Variants in SPAG16 observed in about 807,000 individuals in gnomAD.
The protein encoded by SPAG16 is sperm-associated antigen 16 protein.
A neutral mutation model predicts 80.4 loss-of-function variants in SPAG16; 86 were observed. The ratio of observed to expected loss-of-function variants is 1.07; its 90% CI spans 0.90 to 1.28. The LOEUF (loss-of-function observed/expected upper bound fraction) is 1.28, where lower values mean the gene tolerates loss of function less well. Among genes scored for constraint, SPAG16 ranks in the 50% most tolerant of loss-of-function variants. SPAG16 has a pLI of 0.00. For synonymous variants in SPAG16, 294 were observed against 265.9 expected (o/e 1.11, Z -1.03); for missense variants, 870 against 765.3 (o/e 1.14, Z -1.61).
At chr2:213,587,544 G>A (rs2060515076) in intron 10 of SPAG16, among the ~76,000 whole-genome samples, 2 of 152,094 alleles carry the variant, frequency 1.3e-5, no homozygotes, top group East Asian at 1.9e-4. Flanking sequence ...TGCCTTAGGG[G>A]CCATTCTTTC....
At chr2:213,576,965 G>T (rs542580376) in intron 10 of SPAG16, among the ~76,000 whole-genome samples, 104 of 152,046 alleles carry the variant, frequency 6.8e-4, no homozygotes, top group African/African-American at 2.5e-3. Context: ...AGGTTACATA[G>T]GTAAACTTGT....
chr2:214,067,749 A>G (rs2050599785), intron 13 of SPAG16, among the ~76,000 whole-genome samples: 1 of 152,084 alleles, frequency 6.6e-6, no homozygotes. Context: ...ATTTTGTTGA[A>G]ATATTATTTT....
intron 10 of SPAG16, among the ~76,000 whole-genome samples, chr2:213,506,635 G>A (rs1366853664): frequency 6.6e-6 from 1 of 152,088 alleles, no homozygotes; most frequent in African/African-American, 2.4e-5. Flanking sequence ...CCATTTTGAA[G>A]ACTATTTATC....
chr2:214,110,111 A>T (rs1576234514), intron 14 of SPAG16, among the ~76,000 whole-genome samples: 2 of 152,250 alleles, frequency 1.3e-5, no homozygotes, highest in African/African-American at 2.4e-5. Flanking sequence ...AACAGATATG[A>T]GGTTTAGGTG....
At chr2:214,358,744 TG>T (rs1211552389) in intron 15 of SPAG16, among the ~76,000 whole-genome samples, 2 of 151,914 alleles carry the variant, frequency 1.3e-5, no homozygotes, top group African/African-American at 4.8e-5. Flanking sequence ...TAATGGGAGT[TG>T]GGGGTTGAGG....
At chr2:213,962,034 T>A (rs1657190666) in intron 12 of SPAG16, among the ~76,000 whole-genome samples, 2 of 152,126 alleles carry the variant, frequency 1.3e-5, no homozygotes, top group South Asian at 4.1e-4. Context: ...TGTAGGGTTT[T>A]TAAATTACTA....
chr2:213,324,175 A>G (rs1445393590), intron 5 of SPAG16, among the ~76,000 whole-genome samples: 1 of 152,142 alleles, frequency 6.6e-6, no homozygotes, highest in Non-Finnish European at 1.5e-5. Context: ...AATGAACCTC[A>G]TAGACCTATA....
At chr2:213,520,743 A>C (rs572262651) in intron 10 of SPAG16, among the ~76,000 whole-genome samples, 1 of 152,326 alleles carries the variant, frequency 6.6e-6, no homozygotes, top group Non-Finnish European at 1.5e-5. Context: ...GCATTCCACA[A>C]GTTTTGCTTT....
intron 15 of SPAG16, among the ~76,000 whole-genome samples, chr2:214,249,414 G>A (rs1370889668): frequency 6.6e-6 from 1 of 152,094 alleles, no homozygotes; most frequent in Non-Finnish European, 1.5e-5. Flanking sequence ...GGAGAAGGAA[G>A]AGGAGGGAAA....
At chr2:214,379,558 A>G (rs4673822) in intron 15 of SPAG16, among the ~76,000 whole-genome samples, 129,977 of 152,222 alleles carry the variant, frequency 0.85, 55,876 homozygotes, top group African/African-American at 0.92. Flanking sequence ...ACTGGTCCTC[A>G]TGTCCTACAG....
intron 12 of SPAG16, among the ~76,000 whole-genome samples, chr2:213,981,634 G>T (rs2045750536): frequency 6.6e-6 from 1 of 152,042 alleles, no homozygotes; most frequent in South Asian, 2.1e-4. Context: ...GTGGACTTGA[G>T]TTTGTTTTCA....
At chr2:214,185,789 G>A (rs945084891) in intron 15 of SPAG16, among the ~76,000 whole-genome samples, 12 of 152,206 alleles carry the variant, frequency 7.9e-5, no homozygotes, top group Non-Finnish European at 1.8e-4. Flanking sequence ...GGAGACCAGA[G>A]AGCAGAGGGA....
intron 10 of SPAG16, among the ~76,000 whole-genome samples, chr2:213,618,591 C>T (rs2061672437): frequency 6.6e-6 from 1 of 152,162 alleles, no homozygotes; most frequent in Admixed American, 6.5e-5. Context: ...GCACAGAAGG[C>T]CCTTCCTTTC....
At chr2:213,346,013 G>A (rs1335071615) in intron 6 of SPAG16, among the ~76,000 whole-genome samples, 1 of 152,136 alleles carries the variant, frequency 6.6e-6, no homozygotes, top group Non-Finnish European at 1.5e-5. Flanking sequence ...CTACCCATGA[G>A]CATGGAATGT....
At chr2:213,649,388 T>G (rs888896937) in intron 10 of SPAG16, among the ~76,000 whole-genome samples, 2 of 152,254 alleles carry the variant, frequency 1.3e-5, no homozygotes, top group Non-Finnish European at 2.9e-5. Context: ...TGATGACTGT[T>G]CTACTCACGC....
At chr2:213,726,745 A>C (rs188510163) in intron 10 of SPAG16, among the ~76,000 whole-genome samples, 3 of 152,318 alleles carry the variant, frequency 2.0e-5, no homozygotes, top group Admixed American at 2.0e-4. Context: ...ACTCATATGG[A>C]TTGTTTTAAA....
At chr2:213,868,914 T>C (rs1261424589) in intron 11 of SPAG16, among the ~76,000 whole-genome samples, 2 of 152,076 alleles carry the variant, frequency 1.3e-5, no homozygotes, top group Non-Finnish European at 2.9e-5. Context: ...AAAACCATAG[T>C]ATGAAAACCC....
intron 4 of SPAG16, among the ~76,000 whole-genome samples, chr2:213,311,798 T>C (rs1409267931): frequency 6.6e-6 from 1 of 151,562 alleles, no homozygotes. Context: ...TATTATTTTT[T>C]ATCATTTTTA....
rs1031964257 is a variant in SPAG16 at position 214,139,957 on chromosome 2, A to G, written c.1594-9183A>G. Among the ~76,000 whole-genome samples, 9 of 152,332 alleles carry G rather than the reference A, an allele frequency of 5.9e-5. No homozygotes were observed. The South Asian group carries it at 1.9e-3, about 32-fold the overall frequency. ...TAAAAAATCCCAAAACCCACCTATGACTTATAAGGCTCTACTTGAAGATGT... is the reference window on the plus strand; with the variant it reads ...TAAAAAATCCCAAAACCCACCTATGGCTTATAAGGCTCTACTTGAAGATGT... On this transcript the variant is annotated intron_variant, in intron 14 of 15. Coordinates refer to ENST00000331683, the MANE Select transcript of SPAG16 (RefSeq NM_024532.5).
Sources: gnomAD v4.1 joint callset for allele counts (sites outside exome capture counted in the v4.1 genomes callset) on GRCh38, gnomAD v4.1.1 for gene constraint, MANE v1.5 for transcripts, NCBI Gene and HGNC (gene_info 2026-07-23, HGNC 2026-07-21) for gene names.